Variants in GHR observed in about 807,000 individuals in gnomAD.
GHR encodes GH receptor.
A neutral mutation model predicts 67.1 loss-of-function variants in GHR; 35 were observed. That is an observed-to-expected ratio of 0.52 (90% CI 0.40 to 0.69). The LOEUF (loss-of-function observed/expected upper bound fraction) is 0.69. Ranked by LOEUF, GHR falls within the 30% of genes least tolerant of loss-of-function variation. The probability of loss-of-function intolerance (pLI) is 0.00; values close to 1 mark genes in which losing one functional copy is unlikely to be tolerated. For synonymous variants in GHR, 272 were observed against 269.1 expected, an observed-to-expected ratio of 1.01 and a Z score of -0.10; for missense variants, 792 against 764.6, an observed-to-expected ratio of 1.04 and a Z score of -0.42.
intron 6 of GHR, among the ~76,000 whole-genome samples, chr5:42,709,709 A>G (rs1758357241): frequency 6.6e-6 from 1 of 152,190 alleles, no homozygotes; most frequent in Non-Finnish European, 1.5e-5. Flanking sequence ...AATTAATAAT[A>G]GAAGAAGTAT....
intron 2 of GHR, among the ~76,000 whole-genome samples, chr5:42,617,526 G>A (rs1184447031): frequency 6.6e-6 from 1 of 152,004 alleles, no homozygotes; most frequent in Non-Finnish European, 1.5e-5. Context: ...CCACCAGAAA[G>A]TAGAACAAGG....
At chr5:42,447,668 CCTT>C (rs1743864543) in intron 1 of GHR, among the ~76,000 whole-genome samples, 1 of 150,592 alleles carries the variant, frequency 6.6e-6, no homozygotes, top group South Asian at 2.1e-4. Context: ...TTTCTTCTTT[CCTT>C]GTTTTCTCCC....
intron 1 of GHR, among the ~76,000 whole-genome samples, chr5:42,484,899 C>T (rs1043577425): frequency 9.9e-5 from 15 of 152,108 alleles, no homozygotes; most frequent in African/African-American, 3.4e-4. Context: ...TAGAAGTACC[C>T]GTAATATCCA....
At chr5:42,657,539 C>T (rs1691791919) in intron 3 of GHR, among the ~76,000 whole-genome samples, 1 of 152,026 alleles carries the variant, frequency 6.6e-6, no homozygotes, top group Non-Finnish European at 1.5e-5. Context: ...GAGAGTTGTC[C>T]AATGGGATAT....
At chr5:42,595,058 A>G (rs941297728) in intron 2 of GHR, among the ~76,000 whole-genome samples, 2 of 152,196 alleles carry the variant, frequency 1.3e-5, no homozygotes, top group Non-Finnish European at 2.9e-5. Context: ...ATACTAATAG[A>G]TGATGCTAAA....
chr5:42,640,486 A>G (rs1754411477), intron 3 of GHR, among the ~76,000 whole-genome samples: 1 of 152,016 alleles, frequency 6.6e-6, no homozygotes, highest in Non-Finnish European at 1.5e-5. Flanking sequence ...TGCTATTATT[A>G]TTACTACTCC....
Position 42,633,310 on chromosome 5 carries a change from G to A in GHR, c.136+4207G>A, listed in dbSNP as rs2112758784. ...TTAGTCTAAGTTTTCATGAAAATAG[G>A]CATTTGAACATGAGTATTAATGGCT... On this transcript the variant is annotated intron_variant, in intron 3 of 9. Transcript: ENST00000230882. 1.3e-5 allele frequency among the ~76,000 whole-genome samples: 2 copies of A among 152,230 alleles called. 1 individual carries two copies. The highest frequency in any genetic ancestry group is 4.8e-5 in the African/African-American group (2 of 41,548).
chr5:42,684,766 G>A (rs1354213984), intron 3 of GHR, among the ~76,000 whole-genome samples: 1 of 151,986 alleles, frequency 6.6e-6, no homozygotes, highest in African/African-American at 2.4e-5. Flanking sequence ...ACAACAATAT[G>A]ACCGTGGAAT....
At chr5:42,476,255 C>G (rs1458593086) in intron 1 of GHR, among the ~76,000 whole-genome samples, 1 of 149,272 alleles carries the variant, frequency 6.7e-6, no homozygotes, top group Non-Finnish European at 1.5e-5. Context: ...GAGCCCTGCT[C>G]TGTCGCCCAG....
chr5:42,583,878 GAT>G (rs138386131), intron 2 of GHR, among the ~76,000 whole-genome samples: 3,199 of 138,918 alleles, frequency 0.023, 84 homozygotes, highest in South Asian at 0.095. Context: ...TTTAAATAAA[GAT>G]ATATATATAT....
intron 4 of GHR, among the ~76,000 whole-genome samples, chr5:42,694,118 G>A (rs1259921646): frequency 6.6e-6 from 1 of 152,128 alleles, no homozygotes; most frequent in Non-Finnish European, 1.5e-5. Context: ...CTTCCATGAA[G>A]AGCCAGAGCA....
intron 8 of GHR, among the ~76,000 whole-genome samples, chr5:42,717,682 C>G (rs1758786522): frequency 6.6e-6 from 1 of 152,004 alleles, no homozygotes. Context: ...GAGATGTACA[C>G]TAGAATTGCC....
At chr5:42,529,301 G>A (rs1394597729) in intron 1 of GHR, among the ~76,000 whole-genome samples, 2 of 152,052 alleles carry the variant, frequency 1.3e-5, no homozygotes, top group African/African-American at 2.4e-5. Context: ...GTGAGCCACC[G>A]CGCCTGGCCA....
intron 2 of GHR, among the ~76,000 whole-genome samples, chr5:42,624,571 G>T (rs1178537615): frequency 6.6e-6 from 1 of 152,138 alleles, no homozygotes; most frequent in Non-Finnish European, 1.5e-5. Context: ...TCATGAATTT[G>T]GAGATAAGTA....
At chr5:42,586,099 G>T (rs1751460655) in intron 2 of GHR, among the ~76,000 whole-genome samples, 1 of 152,158 alleles carries the variant, frequency 6.6e-6, no homozygotes, top group Non-Finnish European at 1.5e-5. Flanking sequence ...ATATATGTAA[G>T]CTATTATTGT....
Position 42,424,504 on chromosome 5 carries a change from C to T in GHR, c.-12+549C>T, listed in dbSNP as rs1742756738. The T allele has an allele frequency of 3.4e-6, 4 of 1,190,976 alleles. No homozygotes were observed. The highest frequency in any genetic ancestry group is 4.8e-6 in the Non-Finnish European group (4 of 833,726). The allele number at this position is 1,190,976 out of a possible 1,614,324, so 73.8% of individuals were successfully genotyped here. A position where few individuals can be genotyped will look rare whatever the true frequency, so the allele number is the denominator to read the frequency against. Reference sequence around the variant, plus strand: ...GCGTGGACACAGCGCGCAGAGCGCGCGGTCTTTTGCGCGTTTGTGCGGGCC... The same window carrying T: ...GCGTGGACACAGCGCGCAGAGCGCGTGGTCTTTTGCGCGTTTGTGCGGGCC... On this transcript the variant is annotated intron_variant, in intron 1 of 9. Coordinates refer to ENST00000230882, the MANE Select transcript of GHR (RefSeq NM_000163.5). The surrounding 1 kb of genome is among the most constrained non-coding windows in gnomAD (Gnocchi z 4.1).
chr5:42,535,379 T>C (rs1748210990), intron 1 of GHR, among the ~76,000 whole-genome samples: 2 of 152,182 alleles, frequency 1.3e-5, no homozygotes, highest in South Asian at 4.1e-4. Flanking sequence ...TATATGTGAC[T>C]AGCCAATTAT....
chr5:42,525,734 A>T (rs1747679496), intron 1 of GHR, among the ~76,000 whole-genome samples: 1 of 152,236 alleles, frequency 6.6e-6, no homozygotes, highest in East Asian at 1.9e-4. Context: ...GGGGGAGGTA[A>T]TTGAATCATG....
chr5:42,711,173 T>C (rs1758436612), intron 6 of GHR, 34 bp from the exon 7 acceptor site: 2 of 1,561,780 alleles, frequency 1.3e-6, no homozygotes, highest in Non-Finnish European at 1.8e-6. Context: ...TGTTGACTCT[T>C]TGGCCAATAT....
Sources: gnomAD v4.1 joint callset for allele counts (sites outside exome capture counted in the v4.1 genomes callset) on GRCh38, gnomAD v4.1.1 for gene constraint, Gnocchi (gnomAD v3.1) non-coding constraint, MANE v1.5 for transcripts, NCBI Gene and HGNC (gene_info 2026-07-23, HGNC 2026-07-21) for gene names.